MAST4: variants seen among roughly 807,000 people sequenced by gnomAD.
The protein encoded by MAST4 is microtubule associated serine/threonine kinase family member 4.
MAST4 carries 89 observed loss-of-function variants against 162.7 expected under a neutral mutation model. The ratio of observed to expected loss-of-function variants is 0.55; its 90% CI spans 0.46 to 0.65. The LOEUF is 0.65. MAST4 is among the 30% of genes least tolerant of loss of function. MAST4 has a pLI of 0.00. For synonymous variants in MAST4, 1,479 were observed against 1,361.1 expected, an observed-to-expected ratio of 1.09 and a Z score of -1.91; for missense variants, 3,153 against 3,374.0, an observed-to-expected ratio of 0.93 and a Z score of 1.62.
At chr5:66,700,337 G>A (rs928098050) in intron 1 of MAST4, among the ~76,000 whole-genome samples, 13 of 151,900 alleles carry the variant, frequency 8.6e-5, no homozygotes, top group Admixed American at 2.0e-4. Flanking sequence ...TTTTGTTCTC[G>A]CTCTTTTTTT....
rs10638374 is a variant in MAST4, at chr5:66,644,747, G to GTTTT, written c.363+47742_363+47745dup. Among the ~76,000 whole-genome samples, 118 of 137,760 alleles carry GTTTT rather than the reference G, an allele frequency of 8.6e-4. 1 individual carries two copies. Among genetic ancestry groups the GTTTT allele is most frequent in the African/African-American group, 2.3e-3 (87 of 37,362 alleles). 90.4% of individuals were successfully genotyped at this position (137,760 alleles called of 152,430 possible). On this transcript the variant is annotated intron_variant, in intron 1 of 28. Coordinates refer to ENST00000403625, the MANE Select transcript of MAST4 (RefSeq NM_001164664.2). ...GTTTTGGACAGCTACATTTGAAGTA[G>GTTTT]TTTTTTTTTTTTTTTTGTAAATGGA...
At chr5:67,112,872 C>T (rs1766412861) in intron 11 of MAST4, among the ~76,000 whole-genome samples, 1 of 152,168 alleles carries the variant, frequency 6.6e-6, no homozygotes, top group East Asian at 1.9e-4. Context: ...CAACTCCCAA[C>T]CCTGTCATCA....
intron 4 of MAST4, among the ~76,000 whole-genome samples, chr5:66,903,075 C>T (rs924824685): frequency 1.3e-5 from 2 of 152,142 alleles, no homozygotes; most frequent in African/African-American, 4.8e-5. Context: ...TACAAGATGG[C>T]ATTTATATTA....
intron 3 of MAST4, among the ~76,000 whole-genome samples, chr5:66,845,126 T>TATATATATAG (rs1358855625): frequency 1.5e-5 from 1 of 67,172 alleles, no homozygotes; most frequent in African/African-American, 5.6e-5. Flanking sequence ...TATATATATA[T>TATATATATAG]ACACACACAC....
intron 1 of MAST4, among the ~76,000 whole-genome samples, chr5:66,613,071 G>T (rs1373462240): frequency 1.3e-5 from 2 of 152,040 alleles, no homozygotes; most frequent in African/African-American, 4.8e-5. Flanking sequence ...ATTAAACAAT[G>T]TTTACAATTA....
At chr5:66,986,600 T>TTA (rs548477839) in intron 4 of MAST4, 7,692 of 213,750 alleles carry the variant, frequency 0.036, 415 homozygotes, top group African/African-American at 0.14. Flanking sequence ...ATGTATGAAT[T>TTA]TATATATATA....
chr5:66,751,813 G>C (rs544308194), intron 1 of MAST4, among the ~76,000 whole-genome samples: 3 of 148,738 alleles, frequency 2.0e-5, no homozygotes, highest in African/African-American at 7.5e-5. Flanking sequence ...GATACTCCTC[G>C]AGAAGAGCAA....
At chr5:66,810,727 C>T (rs981359724) in intron 3 of MAST4, among the ~76,000 whole-genome samples, 10 of 152,172 alleles carry the variant, frequency 6.6e-5, no homozygotes, top group Admixed American at 1.3e-4. Context: ...TCTGGAAGGG[C>T]TGCTACCCAC....
chr5:66,728,332 A>G (rs1404218298), intron 1 of MAST4, among the ~76,000 whole-genome samples: 1 of 152,156 alleles, frequency 6.6e-6, no homozygotes, highest in African/African-American at 2.4e-5. Context: ...ATGCATTTGA[A>G]TTCAGGAAGA....
Position 67,160,447 on chromosome 5 carries a change from T to C in MAST4, c.3649-9T>C, listed in dbSNP as rs1201409871. The stretch of plus-strand genomic sequence containing the variant: ...ATTTCCCTTTAATGCCACCTCATCT[T>C]TTCTTTAGAGTGGGAATAAGGTGTC... On this transcript the variant is annotated splice_polypyrimidine_tract_variant and intron_variant, in intron 26 of 28. Transcript: ENST00000403625. The C allele has an allele frequency of 1.2e-6, 2 of 1,603,074 alleles. No individual in the cohort carries two copies. The highest frequency in any genetic ancestry group is 2.3e-5 in the South Asian group (2 of 88,442).
At chr5:67,113,150 A>T in intron 11 of MAST4, among the ~76,000 whole-genome samples, 1 of 151,614 alleles carries the variant, frequency 6.6e-6, no homozygotes. Flanking sequence ...TGTCTCTACT[A>T]AAAAATACAA....
intron 4 of MAST4, among the ~76,000 whole-genome samples, chr5:66,948,814 T>C (rs1744333356): frequency 2.0e-5 from 3 of 152,140 alleles, no homozygotes; most frequent in Non-Finnish European, 4.4e-5. Flanking sequence ...GCTAATTAGC[T>C]CTTTGCTTTG....
intron 4 of MAST4, among the ~76,000 whole-genome samples, chr5:66,930,189 C>G (rs1742030321): frequency 6.6e-6 from 1 of 152,308 alleles, no homozygotes; most frequent in Admixed American, 6.5e-5. Flanking sequence ...AACTGTGCCC[C>G]CTTTAGCTAC....
rs531542043 is a variant in MAST4 at position 66,857,645 on chromosome 5, G to A, written c.643-42306G>A. On this transcript the variant is annotated intron_variant, in intron 3 of 28. Transcript: ENST00000403625. ...TACTAAATTACACCAAAGAGGTTGT[G>A]TATCTTTTTATATGTTTAGTGGTCA... 4.6e-5 allele frequency among the ~76,000 whole-genome samples: 7 copies of A among 152,214 alleles called. No individual in the cohort carries two copies. In the South Asian group the frequency reaches 1.5e-3, roughly 32 times the overall value.
intron 3 of MAST4, among the ~76,000 whole-genome samples, chr5:66,869,271 A>G (rs1760754528): frequency 6.6e-6 from 1 of 152,232 alleles, no homozygotes; most frequent in Non-Finnish European, 1.5e-5. Context: ...CAAACTAAAT[A>G]AATAATCCAT....
intron 3 of MAST4, among the ~76,000 whole-genome samples, chr5:66,830,195 T>C (rs1757507853): frequency 1.3e-5 from 2 of 152,216 alleles, no homozygotes; most frequent in South Asian, 4.1e-4. Context: ...ATAGTAATTC[T>C]TCTGTGAGTT....
In MAST4 at chr5:67,166,378, T is replaced by G. The variant is rs1469653054; in HGVS notation, c.7199T>G (p.Leu2400Trp). ...GLSFVHSENR[L>W]KGAERPAAGV... ...TCCTTTGTGCATAGCGAGAACCGGTTGAAAGGCGCGGAGCGGCCAGCCGCG... is the reference window on the plus strand; with the variant it reads ...TCCTTTGTGCATAGCGAGAACCGGTGGAAAGGCGCGGAGCGGCCAGCCGCG... The change falls in exon 29 of 29, where the codon TTG becomes TGG. Residue 2400 changes from leucine to tryptophan, a missense_variant. By Grantham distance (61) the Leu-to-Trp change is moderately conservative. This residue lies in a region of MAST4 where 1,644 missense variants were observed against 1,495.0 expected (regional missense o/e 1.10). Transcript: ENST00000403625. 1.2e-6 allele frequency: 2 copies of G among 1,611,142 alleles called. No individual in the cohort carries two copies. Among genetic ancestry groups the G allele is most frequent in the East Asian group, 4.5e-5 (2 of 44,774 alleles).
At chr5:66,637,956 G>A (rs1292909314) in intron 1 of MAST4, among the ~76,000 whole-genome samples, 2 of 152,088 alleles carry the variant, frequency 1.3e-5, no homozygotes, top group Non-Finnish European at 2.9e-5. Flanking sequence ...GCCTGCCTTG[G>A]CCTCCCAAAG....
chr5:67,155,050 G>A (rs1208066357), intron 26 of MAST4, among the ~76,000 whole-genome samples: 1 of 152,196 alleles, frequency 6.6e-6, no homozygotes, highest in Non-Finnish European at 1.5e-5. Context: ...AGAGAAAGGT[G>A]GAGAAGTCCT....
Sources: gnomAD v4.1 joint callset for allele counts (sites outside exome capture counted in the v4.1 genomes callset) on GRCh38, gnomAD v4.1.1 for gene constraint, gnomAD v4.1.1 regional missense constraint, MANE v1.5 for transcripts, NCBI Gene and HGNC (gene_info 2026-07-23, HGNC 2026-07-21) for gene names.